Variants in PRKDC observed in about 807,000 individuals in gnomAD.
PRKDC encodes the protein DNA-dependent protein kinase catalytic subunit.
In PRKDC, 82 loss-of-function variants were observed where a neutral mutation model predicts 486.9. That is an observed-to-expected ratio of 0.17 (90% CI 0.14 to 0.20). The LOEUF (loss-of-function observed/expected upper bound fraction) is 0.20. Ranked by LOEUF, PRKDC falls within the 10% of genes least tolerant of loss-of-function variation. The pLI is 1.00. For synonymous variants in PRKDC, 1,895 were observed against 1,837.0 expected (o/e 1.03, Z -0.81); for missense variants, 4,504 against 5,038.2 (o/e 0.89, Z 3.21).
intron 76 of PRKDC, among the ~76,000 whole-genome samples, chr8:47,786,195 G>A (rs1037120540): frequency 2.0e-5 from 3 of 151,844 alleles, no homozygotes; most frequent in South Asian, 4.2e-4. Context: ...GGTGGATCAC[G>A]AGGTCAGGAG....
intron 76 of PRKDC, among the ~76,000 whole-genome samples, chr8:47,785,998 C>T (rs939680077): frequency 7.3e-5 from 11 of 151,366 alleles, no homozygotes; most frequent in South Asian, 2.1e-4. Context: ...CCCAGCTACT[C>T]GGGAGGCTGA....
At position 47,799,328 on chromosome 8, in the gene PRKDC, C is replaced by T. The variant is rs754568948; in HGVS notation, c.10179G>A (p.Glu3393=). The T allele has an allele frequency of 1.2e-6, 2 of 1,612,310 alleles. No individual in the cohort carries two copies. Among genetic ancestry groups the T allele is most frequent in the Non-Finnish European group, 1.7e-6 (2 of 1,179,758 alleles). The part of the protein sequence containing the change: ...QHLSEAVQAA[E]EEAQPPSWSC... Reference sequence around the variant, plus strand: ...TCCAGGAGGGAGGCTGGGCCTCCTCCTCAGCCGCCTGCACAGCCTCAGAGA... The same window carrying T: ...TCCAGGAGGGAGGCTGGGCCTCCTCTTCAGCCGCCTGCACAGCCTCAGAGA... Residue 3393 remains glutamate (E), a synonymous_variant, in exon 72 of 86, where the codon GAG becomes GAA. Coordinates refer to ENST00000314191, the MANE Select transcript of PRKDC (RefSeq NM_006904.7).
At chr8:47,794,787 G>A (rs1026586154) in intron 73 of PRKDC, among the ~76,000 whole-genome samples, 1 of 152,192 alleles carries the variant, frequency 6.6e-6, no homozygotes, top group Non-Finnish European at 1.5e-5. Context: ...ATTCCTCCTG[G>A]CGGCTATGTA....
At chr8:47,855,176 T>C (rs1249496890) in intron 50 of PRKDC, 46 bp downstream of exon 50, 1 of 1,486,862 alleles carries the variant, frequency 6.7e-7, no homozygotes, top group Non-Finnish European at 9.1e-7. Flanking sequence ...CACACTACAT[T>C]TTAACCTAAA....
Position 47,918,285 on chromosome 8 carries a change from G to T in PRKDC, c.2518C>A (p.Leu840Ile), listed in dbSNP as rs776872112. ...VLKHLKKTKN[L>I]SSNEAISLEE... ...TACAAAGGACTTCTTACTGATGAAA[G>T]GTTCTTTGTCTTCTTCAGATGCTTT... The change falls in exon 22 of 86, where the codon CTT (leucine) becomes ATT (isoleucine). Residue 840 changes from leucine to isoleucine, a missense_variant. Around this residue, in one of 6 missense-constraint regions of PRKDC, gnomAD observed 1,969 missense variants for 2,068.9 expected, o/e 0.95. Coordinates refer to ENST00000314191, the MANE Select transcript of PRKDC (RefSeq NM_006904.7). The T allele has an allele frequency of 2.5e-6, 4 of 1,575,152 alleles. No individual in the cohort carries two copies. Among genetic ancestry groups the T allele is most frequent in the Non-Finnish European group, 2.6e-6 (3 of 1,157,740 alleles).
intron 7 of PRKDC, among the ~76,000 whole-genome samples, chr8:47,949,583 G>A (rs2090594182): frequency 6.6e-6 from 1 of 152,172 alleles, no homozygotes; most frequent in Admixed American, 6.5e-5. Context: ...CCTGCCAACA[G>A]GGTCAAAGGA....
intron 51 of PRKDC, among the ~76,000 whole-genome samples, chr8:47,853,836 G>T (rs927389298): frequency 2.0e-5 from 3 of 152,166 alleles, no homozygotes; most frequent in Admixed American, 6.5e-5. Flanking sequence ...AGGCAGACAA[G>T]AATTTTTTTG....
chr8:47,777,408 C>T (rs1376140198), intron 84 of PRKDC, among the ~76,000 whole-genome samples: 3 of 152,088 alleles, frequency 2.0e-5, no homozygotes, highest in African/African-American at 7.2e-5. Context: ...AGGGTTTTAC[C>T]ATGTTGGCCA....
At chr8:47,936,257 A>G (rs937918986) in intron 12 of PRKDC, 96 bp downstream of exon 12, 2 of 1,345,070 alleles carry the variant, frequency 1.5e-6, no homozygotes, top group Admixed American at 4.9e-5. Flanking sequence ...GTTGTTCCCA[A>G]CAGTGCCTAC....
intron 72 of PRKDC, 125 bp downstream of exon 72, chr8:47,799,085 G>C (rs1413814931): frequency 1.6e-6 from 2 of 1,281,482 alleles, no homozygotes; most frequent in Non-Finnish European, 2.1e-6. Flanking sequence ...CTCTTAAAAA[G>C]ACAGTAGGAT....
At chr8:47,809,935 T>C (rs1316676879) in intron 68 of PRKDC, among the ~76,000 whole-genome samples, 3 of 152,154 alleles carry the variant, frequency 2.0e-5, no homozygotes, top group Non-Finnish European at 4.4e-5. Context: ...CCTGCTGCAT[T>C]CTACCCAGGG....
intron 54 of PRKDC, among the ~76,000 whole-genome samples, chr8:47,846,968 AAGG>A (rs754397412): frequency 5.3e-5 from 8 of 152,214 alleles, no homozygotes; most frequent in Non-Finnish European, 1.0e-4. Context: ...AGATCTCTAC[AAGG>A]AGGACTATAA....
intron 70 of PRKDC, among the ~76,000 whole-genome samples, chr8:47,802,225 T>C (rs989532680): frequency 6.6e-6 from 1 of 152,002 alleles, no homozygotes; most frequent in Non-Finnish European, 1.5e-5. Context: ...TATGGGTGCG[T>C]GCCACCACAT....
intron 54 of PRKDC, among the ~76,000 whole-genome samples, chr8:47,847,174 C>T (rs1393780537): frequency 1.3e-5 from 2 of 151,992 alleles, no homozygotes; most frequent in African/African-American, 4.8e-5. Context: ...AAAAAGAGCC[C>T]GAATAGCCAA....
At chr8:47,955,824 TAA>T (rs765093428) in intron 4 of PRKDC, 48 bp downstream of exon 4, 1 of 1,421,992 alleles carries the variant, frequency 7.0e-7, no homozygotes, top group Non-Finnish European at 9.7e-7. Flanking sequence ...GATTTTCTTT[TAA>T]AAGTTACATG....
chr8:47,836,652 A>AGCTGCATATGAAGT, intron 57 of PRKDC, 125 bp from the exon 58 acceptor site: 1 of 872,388 alleles, frequency 1.1e-6, no homozygotes, highest in Non-Finnish European at 1.7e-6. Context: ...CCATAACTTC[A>AGCTGCATATGAAGT]TATGCAGCTG....
At chr8:47,798,181 G>C in intron 73 of PRKDC, 56 bp downstream of exon 73, 1 of 1,549,972 alleles carries the variant, frequency 6.5e-7, no homozygotes, top group Non-Finnish European at 8.8e-7. Context: ...ATATAAATAA[G>C]CGTATCTTTA....
In PRKDC at chr8:47,941,038, G is replaced by A. The variant is rs557072729; in HGVS notation, c.967-1341C>T. ...CCAACTATTTGGGAGGCTGAGGCAC[G>A]AGAATTGCTTAAACGCAGGAGGCAG... On this transcript the variant is annotated intron_variant, in intron 10 of 85. Transcript: ENST00000314191. Among the ~76,000 whole-genome samples, 283 of 151,358 alleles carry A rather than the reference G, an allele frequency of 1.9e-3. 1 individual carries two copies. Among genetic ancestry groups the A allele is most frequent in the Admixed American group, 3.0e-3 (46 of 15,180 alleles).
intron 54 of PRKDC, among the ~76,000 whole-genome samples, chr8:47,841,445 C>T (rs2088142342): frequency 1.3e-5 from 2 of 152,184 alleles, no homozygotes; most frequent in Non-Finnish European, 1.5e-5. Context: ...CCAGCTGCTC[C>T]CACAAGAGCA....
Sources: gnomAD v4.1 joint callset for allele counts (sites outside exome capture counted in the v4.1 genomes callset) on GRCh38, gnomAD v4.1.1 for gene constraint, gnomAD v4.1.1 regional missense constraint, MANE v1.5 for transcripts, NCBI Gene and HGNC (gene_info 2026-07-23, HGNC 2026-07-21) for gene names.